VPS13A: variants seen among roughly 807,000 people sequenced by gnomAD.
The protein encoded by VPS13A is intermembrane lipid transfer protein VPS13A.
A neutral mutation model predicts 390.9 loss-of-function variants in VPS13A; 264 were observed. That is an observed-to-expected ratio of 0.68 (90% CI 0.61 to 0.75). The LOEUF (loss-of-function observed/expected upper bound fraction) is 0.75, where lower values mean the gene tolerates loss of function less well. Ranked by LOEUF, VPS13A falls within the 30% of genes least tolerant of loss-of-function variation. VPS13A has a pLI of 0.00. For missense variants in VPS13A, 3,409 were observed against 3,733.9 expected, an observed-to-expected ratio of 0.91 and a Z score of 2.27; for synonymous variants, 1,231 against 1,227.1, an observed-to-expected ratio of 1.00 and a Z score of -0.07.
intron 1 of VPS13A, among the ~76,000 whole-genome samples, chr9:77,183,542 T>C (rs1181324783): frequency 6.6e-6 from 1 of 152,238 alleles, no homozygotes; most frequent in African/African-American, 2.4e-5. Flanking sequence ...CATGTGGTAG[T>C]ACAATCAATA....
intron 67 of VPS13A, among the ~76,000 whole-genome samples, chr9:77,377,152 A>G (rs1315988364): frequency 1.3e-5 from 2 of 149,180 alleles, no homozygotes; most frequent in Non-Finnish European, 3.0e-5. Context: ...TTTGTAATGT[A>G]CGAGTCTTAT....
chr9:77,334,459 G>GT (rs1225052741), intron 46 of VPS13A, among the ~76,000 whole-genome samples: 1 of 151,764 alleles, frequency 6.6e-6, no homozygotes, highest in South Asian at 2.1e-4. Flanking sequence ...TTCCTTTGAC[G>GT]TTTTATATTT....
At chr9:77,407,291 T>G (rs148669990) in intron 70 of VPS13A, among the ~76,000 whole-genome samples, 82 of 152,336 alleles carry the variant, frequency 5.4e-4, no homozygotes, top group African/African-American at 1.9e-3. Context: ...CATTAGCAAT[T>G]AAAATATCAC....
chr9:77,242,057 A>G (rs1244006233), intron 19 of VPS13A, among the ~76,000 whole-genome samples: 2 of 152,146 alleles, frequency 1.3e-5, no homozygotes, highest in Non-Finnish European at 2.9e-5. Flanking sequence ...TTGGAGTAAG[A>G]TCCAATTTCA....
chr9:77,400,223 A>ATT (rs34605855), intron 68 of VPS13A, among the ~76,000 whole-genome samples: 2,587 of 88,004 alleles, frequency 0.029, 95 homozygotes, highest in East Asian at 0.043. Context: ...TATCAGTCAG[A>ATT]TTTTTTTTTT....
chr9:77,378,735 C>T (rs1587692142), intron 67 of VPS13A, among the ~76,000 whole-genome samples: 1 of 151,694 alleles, frequency 6.6e-6, no homozygotes, highest in Non-Finnish European at 1.5e-5. Context: ...CTTCTGCTAG[C>T]TTTGGGATTA....
chr9:77,278,054 T>A (rs1437654972), intron 26 of VPS13A, among the ~76,000 whole-genome samples: 1 of 151,928 alleles, frequency 6.6e-6, no homozygotes, highest in Non-Finnish European at 1.5e-5. Context: ...CTAAGTTTTT[T>A]TTATTATTAT....
intron 69 of VPS13A, among the ~76,000 whole-genome samples, chr9:77,404,960 C>CTCCTT: frequency 6.6e-6 from 1 of 152,080 alleles, no homozygotes. Context: ...GGCTAGCTCT[C>CTCCTT]TCCTTTTCCA....
intron 1 of VPS13A, among the ~76,000 whole-genome samples, chr9:77,188,849 A>G (rs1824501271): frequency 6.6e-6 from 1 of 151,496 alleles, no homozygotes; most frequent in Admixed American, 6.6e-5. Context: ...CTCACTAATC[A>G]TTAATCCTCT....
At chr9:77,370,201 A>C in intron 63 of VPS13A, 56 bp from the exon 64 acceptor site, 1 of 1,588,994 alleles carries the variant, frequency 6.3e-7, no homozygotes, top group Non-Finnish European at 8.6e-7. Flanking sequence ...CCGTAAGCTC[A>C]TCTTTAAAAG....
intron 52 of VPS13A, among the ~76,000 whole-genome samples, chr9:77,349,896 G>A (rs890649936): frequency 4.6e-5 from 7 of 151,926 alleles, no homozygotes; most frequent in South Asian, 2.1e-4. Context: ...CACCTGCCTC[G>A]ACCTCCGAAA....
At chr9:77,196,559 T>G (rs1825014318) in intron 1 of VPS13A, among the ~76,000 whole-genome samples, 1 of 152,196 alleles carries the variant, frequency 6.6e-6, no homozygotes, top group South Asian at 2.1e-4. Context: ...TTTTTAGATT[T>G]CACACGTGAA....
Position 77,368,146 on chromosome 9 carries a change from A to G in VPS13A, c.8553+10A>G. 6.2e-7 allele frequency: 1 copy of G among 1,605,088 alleles called. No homozygotes were observed. Reference sequence around the variant, plus strand: ...ACACTATTCAAAACAGGTTTGTCTAAGATTATATTACAGAGGGACAGAGTG... The same window carrying G: ...ACACTATTCAAAACAGGTTTGTCTAGGATTATATTACAGAGGGACAGAGTG... On this transcript the variant is annotated intron_variant, in intron 62 of 71. Coordinates refer to ENST00000360280, the MANE Select transcript of VPS13A (RefSeq NM_033305.3).
At chr9:77,250,398 C>A (rs940575653) in intron 21 of VPS13A, among the ~76,000 whole-genome samples, 169 bp downstream of exon 21, 1 of 152,106 alleles carries the variant, frequency 6.6e-6, no homozygotes, top group Non-Finnish European at 1.5e-5. Context: ...TCTTGCCCCC[C>A]CAAGAGACAT....
At position 77,353,607 on chromosome 9, in the gene VPS13A, A is replaced by G. The variant is rs1831596729; in HGVS notation, c.7618A>G (p.Thr2540Ala). Residue 2540 changes from threonine to alanine, a missense_variant, in exon 54 of 72, where the codon ACG becomes GCG. Thr to Ala is a moderately conservative substitution (Grantham distance 58, BLOSUM62 0). This residue lies in a region of VPS13A where 221 missense variants were observed against 300.7 expected (regional missense o/e 0.73). Coordinates refer to ENST00000360280, the MANE Select transcript of VPS13A (RefSeq NM_033305.3). ...DVGISLVNNY[T>A]KQEVAYIGIT... The stretch of plus-strand genomic sequence containing the variant: ...TGGAATTTCTCTTGTCAACAATTAC[A>G]CGAAGCAAGAAGTAGCCTATATAGG... The G allele has an allele frequency of 6.2e-7, 1 of 1,613,374 alleles. No individual in the cohort carries two copies.
At chr9:77,399,177 A>C (rs59082945) in intron 68 of VPS13A, among the ~76,000 whole-genome samples, 13 of 89,574 alleles carry the variant, frequency 1.5e-4, no homozygotes, top group Non-Finnish European at 2.5e-4. Context: ...TAAAAAAAAA[A>C]AAATAAAAAA....
At position 77,339,759 on chromosome 9, in the gene VPS13A, G is replaced by A. The variant is rs150740645; in HGVS notation, c.6622G>A (p.Val2208Ile). Reference protein sequence around the residue: ...VHMTYNTGQTVVAFHSPYWMV... With the variant: ...VHMTYNTGQTIVAFHSPYWMV... The stretch of plus-strand genomic sequence containing the variant: ...TATGACTTACAATACTGGTCAGACA[G>A]TTGTGGCATTTCATAGTCCTTATTG... The change falls in exon 48 of 72, where the codon GTT becomes ATT. Residue 2208 changes from valine (V) to isoleucine (I), a missense_variant. Physicochemically the swap from Val to Ile is conservative, Grantham distance 29. Transcript: ENST00000360280. 2 of 1,614,076 alleles carry A rather than the reference G, an allele frequency of 1.2e-6. No individual in the cohort carries two copies. The highest frequency in any genetic ancestry group is 1.7e-6 in the Non-Finnish European group (2 of 1,179,992).
chr9:77,204,528 A>G (rs1488822993), intron 3 of VPS13A, among the ~76,000 whole-genome samples: 2 of 152,192 alleles, frequency 1.3e-5, no homozygotes, highest in Non-Finnish European at 2.9e-5. Context: ...TTATTACCAT[A>G]TGTGTATATG....
rs546999795 is a variant in VPS13A, at chr9:77,335,998, C to T, written c.6096-1257C>T. ...TAGACTGGATAAAGGAAATGTGGCA[C>T]GTATACAGCATGAAATACTACGCAG... On this transcript the variant is annotated intron_variant, in intron 46 of 71. Coordinates refer to ENST00000360280, the MANE Select transcript of VPS13A (RefSeq NM_033305.3). Among the ~76,000 whole-genome samples the T allele has an allele frequency of 3.9e-5, 6 of 152,248 alleles. No homozygotes were observed. The South Asian group carries it at 8.3e-4, about 21-fold the overall frequency.
Sources: gnomAD v4.1 joint callset for allele counts (sites outside exome capture counted in the v4.1 genomes callset) on GRCh38, gnomAD v4.1.1 for gene constraint, gnomAD v4.1.1 regional missense constraint, MANE v1.5 for transcripts, NCBI Gene and HGNC (gene_info 2026-07-23, HGNC 2026-07-21) for gene names.